The following CCND3 variants were observed in gnomAD, a reference collection of about 807,000 sequenced individuals.
CCND3 encodes the protein G1/S-specific cyclin-D3.
CCND3 carries 9 observed loss-of-function variants against 28.7 expected under a neutral mutation model. The observed-to-expected ratio is 0.31, with a 90% CI of 0.19 to 0.55. The LOEUF is 0.55. CCND3 is among the 20% of genes least tolerant of loss of function. The pLI is 0.93. For synonymous variants in CCND3, 164 were observed against 163.9 expected (o/e 1.00, Z 0.00); for missense variants, 315 against 385.8 (o/e 0.82, Z 1.54).
chr6:42,010,493 T>C (rs868567866), intron 1 of CCND3, among the ~76,000 whole-genome samples: 9 of 152,112 alleles, frequency 5.9e-5, no homozygotes, highest in Admixed American at 5.2e-4. Flanking sequence ...TGCCTGGGCC[T>C]GCACCTGTTC....
At chr6:41,970,149 G>A (rs1200623354) in intron 1 of CCND3, among the ~76,000 whole-genome samples, 1 of 152,032 alleles carries the variant, frequency 6.6e-6, no homozygotes, top group Admixed American at 6.6e-5. Flanking sequence ...GACCATCTTG[G>A]CCAACATGGT....
At chr6:42,036,964 A>G (rs1307151046) in intron 1 of CCND3, among the ~76,000 whole-genome samples, 1 of 151,340 alleles carries the variant, frequency 6.6e-6, no homozygotes, top group Admixed American at 6.6e-5. Flanking sequence ...TTTGAGACAG[A>G]CTCTTGCTCT....
intron 1 of CCND3, among the ~76,000 whole-genome samples, chr6:41,996,145 TTG>T (rs200757688): frequency 0.37 from 47,180 of 128,964 alleles, 8,712 homozygotes; most frequent in Middle Eastern, 0.5. Context: ...TATATTTTTT[TTG>T]TTTGTTTGTT....
At chr6:41,947,462 T>C (rs9471695) in intron 1 of CCND3, among the ~76,000 whole-genome samples, 7,471 of 152,252 alleles carry the variant, frequency 0.049, 339 homozygotes, top group African/African-American at 0.12. Context: ...CCTACAGGCT[T>C]ATCTCAGAAA....
At chr6:42,032,330 T>A (rs1764068745) in intron 1 of CCND3, among the ~76,000 whole-genome samples, 1 of 151,914 alleles carries the variant, frequency 6.6e-6, no homozygotes, top group Non-Finnish European at 1.5e-5. Flanking sequence ...GAAGCGATTA[T>A]CCTGCCTTGG....
In CCND3 at chr6:42,044,776, T is replaced by TC. The variant is rs1764480159; in HGVS notation, c.-46+3724dup. ...TTGGCTATCTTTTCTTTCTTTTCTT[T>TC]CTTTCCTTTTATTTATTTATTTATT... is the stretch of plus-strand genomic sequence containing the variant. On this transcript the variant is annotated intron_variant, in intron 1 of 4. Coordinates refer to the CCND3 transcript ENST00000372988. Among the ~76,000 whole-genome samples the TC allele has an allele frequency of 2.7e-5, 4 of 147,162 alleles. No homozygotes were observed. In the South Asian group the frequency reaches 6.7e-4, roughly 25 times the overall value.
At chr6:42,009,569 G>A (rs1052402949) in intron 1 of CCND3, among the ~76,000 whole-genome samples, 7 of 152,142 alleles carry the variant, frequency 4.6e-5, no homozygotes, top group African/African-American at 1.4e-4. Flanking sequence ...CCAAGATTGC[G>A]CCATTCCACT....
chr6:41,963,337 GAC>G (rs764014412), intron 1 of CCND3, among the ~76,000 whole-genome samples: 1 of 152,236 alleles, frequency 6.6e-6, no homozygotes, highest in Non-Finnish European at 1.5e-5. Context: ...TGTGATGTGA[GAC>G]ACACAGGTTG....
intron 1 of CCND3, among the ~76,000 whole-genome samples, chr6:42,016,393 G>T (rs543652965): frequency 6.6e-6 from 1 of 152,186 alleles, no homozygotes; most frequent in South Asian, 2.1e-4. Context: ...TCAGACAGGG[G>T]TTTGAATCTC....
At position 42,039,365 on chromosome 6, in the gene CCND3, A is replaced by G. The variant is rs375284389; in HGVS notation, c.-46+9136T>C. Among the ~76,000 whole-genome samples, 20 of 152,322 alleles carry G rather than the reference A, an allele frequency of 1.3e-4. No individual in the cohort carries two copies. The East Asian group carries it at 3.5e-3, about 26-fold the overall frequency. On this transcript the variant is annotated intron_variant, in intron 1 of 4. Coordinates refer to the CCND3 transcript ENST00000372988. Reference sequence around the variant, plus strand: ...AGACTTACAGATGTTGGATGAATATACTAGGTGACTGAGCCCAGGAGTCCT... The same window carrying G: ...AGACTTACAGATGTTGGATGAATATGCTAGGTGACTGAGCCCAGGAGTCCT...
chr6:42,027,156 T>C lies in CCND3; in HGVS notation c.-46+21345A>G, dbSNP rs150143042. Among the ~76,000 whole-genome samples the C allele has an allele frequency of 4.9e-3, 742 of 152,214 alleles. 6 individuals are homozygous for C. The highest frequency in any genetic ancestry group is 0.017 in the African/African-American group (705 of 41,540). On this transcript the variant is annotated intron_variant, in intron 1 of 4. Coordinates refer to the CCND3 transcript ENST00000372988. ...GCCTTCCAGGTGGTTAAGACACCAC[T>C]AGGCCGGGCGCGGTGGCTCATGCCT...
chr6:42,022,824 C>T (rs922532216), intron 1 of CCND3, among the ~76,000 whole-genome samples: 8 of 152,314 alleles, frequency 5.3e-5, no homozygotes, highest in African/African-American at 1.9e-4. Flanking sequence ...AGGGCAGCAA[C>T]ATTTATACCA....
At position 41,941,014 on chromosome 6, in the gene CCND3, G is replaced by C. The variant is rs1292919806; in HGVS notation, c.199-429C>G. 6.2e-7 allele frequency: 1 copy of C among 1,611,418 alleles called. No individual in the cohort carries two copies. On this transcript the variant is annotated intron_variant, in intron 1 of 4. Coordinates refer to ENST00000372991, the MANE Select transcript of CCND3 (RefSeq NM_001760.5). This position sits in a 1 kb window ranked among gnomAD's most constrained non-coding sequence, Gnocchi z 6.1. ...GCACTTTTCATTTCCCTGTCGGCCGGAACAGGGCGCGCGCCACCCCCATCG... is the reference window on the plus strand; with the variant it reads ...GCACTTTTCATTTCCCTGTCGGCCGCAACAGGGCGCGCGCCACCCCCATCG...
chr6:41,996,819 C>CA lies in CCND3; in HGVS notation c.-46+51681dup, dbSNP rs546535599. Among the ~76,000 whole-genome samples the CA allele has an allele frequency of 1.7e-4, 26 of 152,202 alleles. 1 individual carries two copies. The East Asian group carries it at 5.0e-3, about 29-fold the overall frequency. ...AGCTGGGACTGCAGGTGTGCGCCAC[C>CA]ATGTCCAGCTAATTTTTGTATTTTT... On this transcript the variant is annotated intron_variant, in intron 1 of 4. Coordinates refer to the CCND3 transcript ENST00000372988.
intron 1 of CCND3, among the ~76,000 whole-genome samples, chr6:41,967,787 C>T (rs1257800825): frequency 6.6e-6 from 1 of 152,170 alleles, no homozygotes; most frequent in East Asian, 1.9e-4. Context: ...TATGCAGCTG[C>T]GTGATTCTTT....
intron 1 of CCND3, among the ~76,000 whole-genome samples, chr6:42,022,658 G>A (rs1763746532): frequency 6.6e-6 from 1 of 152,220 alleles, no homozygotes; most frequent in East Asian, 1.9e-4. Context: ...CACTTGGCCT[G>A]GAGCAGTCAC....
rs1187195443 is a variant in CCND3, at chr6:42,032,474, G to A, written c.-46+16027C>T. On this transcript the variant is annotated intron_variant, in intron 1 of 4. Coordinates refer to the CCND3 transcript ENST00000372988. Reference sequence around the variant, plus strand: ...CCAAGGCAGAGGCCTGGGATCTTTTGCAGGCATTTGATTTCAATACCTATG... The same window carrying A: ...CCAAGGCAGAGGCCTGGGATCTTTTACAGGCATTTGATTTCAATACCTATG... 3.3e-5 allele frequency among the ~76,000 whole-genome samples: 5 copies of A among 152,234 alleles called. No homozygotes were observed. In the East Asian group the frequency reaches 9.6e-4, roughly 29 times the overall value.
chr6:42,034,478 T>C (rs1183671126), intron 1 of CCND3, among the ~76,000 whole-genome samples: 1 of 118,732 alleles, frequency 8.4e-6, no homozygotes. Flanking sequence ...CTTTTTTTTT[T>C]TTTTTTTTTT....
intron 1 of CCND3, among the ~76,000 whole-genome samples, chr6:41,998,598 G>A (rs1422344200): frequency 1.3e-5 from 2 of 151,784 alleles, no homozygotes; most frequent in African/African-American, 2.4e-5. Context: ...AAAGTGCTGG[G>A]ATTACAGGCG....
Sources: allele counts gnomAD v4.1 joint callset (sites outside exome capture counted in the v4.1 genomes callset), GRCh38; gene constraint gnomAD v4.1.1; non-coding constraint Gnocchi (gnomAD v3.1); transcripts MANE v1.5; gene names NCBI Gene and HGNC (gene_info 2026-07-23, HGNC 2026-07-21).